ASXL3: variants seen among roughly 807,000 people sequenced by gnomAD.
ASXL3 encodes ASXL transcriptional regulator 3.
A neutral mutation model predicts 170.6 loss-of-function variants in ASXL3; 34 were observed. The ratio of observed to expected loss-of-function variants is 0.20; its 90% CI spans 0.15 to 0.27. ASXL3 has a LOEUF of 0.27. ASXL3 is among the 10% of genes least tolerant of loss of function. ASXL3 has a pLI of 1.00. For missense variants in ASXL3, 2,592 were observed against 2,695.3 expected, an observed-to-expected ratio of 0.96 and a Z score of 0.85; for synonymous variants, 1,002 against 989.1, an observed-to-expected ratio of 1.01 and a Z score of -0.24.
chr18:33,742,865 T>A (rs566816854), intron 11 of ASXL3, 23 bp from the exon 12 acceptor site: 139 of 1,567,208 alleles, frequency 8.9e-5, no homozygotes, highest in African/African-American at 2.1e-4. Flanking sequence ...CACATTATAT[T>A]TTTTTTTCTG....
rs2067765743 is a variant in ASXL3 at position 33,745,549 on chromosome 18, C to A, written c.5701C>A (p.Leu1901Ile). 6.2e-7 allele frequency: 1 copy of A among 1,614,008 alleles called. No homozygotes were observed. The highest frequency in any genetic ancestry group is 8.5e-7 in the Non-Finnish European group (1 of 1,179,900). ...SPEVKQQKRL[L>I]PSCSFQQNLF... is the part of the protein sequence containing the mutation. ...TGAGGTCAAACAGCAAAAGCGGCTG[C>A]TCCCCTCGTGTAGCTTCCAGCAGAA... Residue 1901 changes from leucine to isoleucine, a missense_variant, in exon 12 of 12, where the codon CTC (leucine) becomes ATC (isoleucine). Physicochemically the swap from Leu to Ile is conservative, Grantham distance 5 (BLOSUM62 2). Around this residue, in one of 4 missense-constraint regions of ASXL3, gnomAD observed 2,246 missense variants for 2,219.6 expected, o/e 1.01. Transcript: ENST00000269197.
At chr18:33,687,531 A>G (rs1016625833) in intron 8 of ASXL3, among the ~76,000 whole-genome samples, 2 of 152,172 alleles carry the variant, frequency 1.3e-5, no homozygotes, top group African/African-American at 4.8e-5. Flanking sequence ...TCTTTCTAGT[A>G]TGAAGTAGTC....
intron 8 of ASXL3, among the ~76,000 whole-genome samples, chr18:33,700,450 CAT>C (rs770228256): frequency 2.6e-5 from 4 of 151,774 alleles, no homozygotes; most frequent in South Asian, 2.1e-4. Flanking sequence ...ACCACAGGTT[CAT>C]TTTTTTTTTC....
intron 4 of ASXL3, among the ~76,000 whole-genome samples, chr18:33,652,350 C>G (rs907281871): frequency 2.0e-5 from 3 of 151,948 alleles, no homozygotes; most frequent in African/African-American, 7.2e-5. Context: ...AGTCTTCGCT[C>G]TCTTCATCCT....
At chr18:33,635,257 C>G (rs568581954) in intron 2 of ASXL3, among the ~76,000 whole-genome samples, 1 of 152,288 alleles carries the variant, frequency 6.6e-6, no homozygotes, top group East Asian at 1.9e-4. Context: ...TCAGCTTGTA[C>G]AAGTCATATA....
intron 8 of ASXL3, among the ~76,000 whole-genome samples, chr18:33,712,549 AT>A (rs796535816): frequency 1.0e-3 from 155 of 152,280 alleles, no homozygotes; most frequent in African/African-American, 3.6e-3. Context: ...TGTTCTTGTG[AT>A]TGTTCTGAAA....
chr18:33,725,673 A>G (rs1293407250), intron 8 of ASXL3, among the ~76,000 whole-genome samples: 1 of 152,136 alleles, frequency 6.6e-6, no homozygotes, highest in African/African-American at 2.4e-5. Flanking sequence ...CTTTATTTGG[A>G]TGCCATCAAG....
chr18:33,740,343 C>G lies in ASXL3; in HGVS notation c.2939C>G (p.Ala980Gly). 1 of 1,610,998 alleles carries G rather than the reference C, an allele frequency of 6.2e-7. No individual in the cohort carries two copies. Among genetic ancestry groups the G allele is most frequent in the Non-Finnish European group, 8.5e-7 (1 of 1,178,408 alleles). The change falls in exon 11 of 12, where the codon GCT becomes GGT. Residue 980 changes from alanine (A) to glycine (G), a missense_variant. By Grantham distance (60) the Ala-to-Gly change is moderately conservative. Coordinates refer to ENST00000269197, the MANE Select transcript of ASXL3 (RefSeq NM_030632.3). ...TTTGGAATCTGTAAGGAAAAGAGAGCTAGGATAGAAGATGATCAGTCAACC... is the reference window on the plus strand; with the variant it reads ...TTTGGAATCTGTAAGGAAAAGAGAGGTAGGATAGAAGATGATCAGTCAACC... The part of the protein sequence containing the change: ...HSFGICKEKR[A>G]RIEDDQSTRN...
chr18:33,680,766 T>C (rs1194408138), intron 7 of ASXL3, among the ~76,000 whole-genome samples: 4 of 151,974 alleles, frequency 2.6e-5, no homozygotes, highest in Non-Finnish European at 5.9e-5. Flanking sequence ...AATATTGCAG[T>C]ATGACTTTTT....
chr18:33,699,868 T>A (rs1455421284), intron 8 of ASXL3, among the ~76,000 whole-genome samples: 2 of 152,102 alleles, frequency 1.3e-5, no homozygotes, highest in African/African-American at 4.8e-5. Flanking sequence ...CAATTTTTGA[T>A]AATTATACAT....
intron 4 of ASXL3, among the ~76,000 whole-genome samples, chr18:33,657,658 CT>C (rs1283129824): frequency 2.0e-5 from 3 of 152,124 alleles, no homozygotes; most frequent in African/African-American, 4.8e-5. Flanking sequence ...GTCACCAGTT[CT>C]CTAGCCTTCA....
At chr18:33,682,969 T>C (rs1218083400) in intron 7 of ASXL3, among the ~76,000 whole-genome samples, 1 of 152,228 alleles carries the variant, frequency 6.6e-6, no homozygotes, top group Non-Finnish European at 1.5e-5. Flanking sequence ...AACACACAGC[T>C]ATTTTTGCTA....
chr18:33,666,713 G>C (rs533935171), intron 5 of ASXL3, among the ~76,000 whole-genome samples: 1 of 152,302 alleles, frequency 6.6e-6, no homozygotes, highest in East Asian at 1.9e-4. Context: ...GTTTGGAAGA[G>C]AGGTGTTAGA....
At chr18:33,716,623 T>C (rs779095382) in intron 8 of ASXL3, among the ~76,000 whole-genome samples, 160 of 152,230 alleles carry the variant, frequency 1.1e-3, no homozygotes, top group Non-Finnish European at 2.0e-3. Context: ...GGTGGCATGT[T>C]TGGCATTTTG....
At chr18:33,649,906 A>AGGGGGCTC (rs570861876) in intron 4 of ASXL3, among the ~76,000 whole-genome samples, 87 of 152,194 alleles carry the variant, frequency 5.7e-4, no homozygotes, top group African/African-American at 2.0e-3. Context: ...ATAAGAAAGA[A>AGGGGGCTC]GGGGGCTAGG....
intron 2 of ASXL3, among the ~76,000 whole-genome samples, chr18:33,612,542 C>T (rs181945902): frequency 3.7e-4 from 57 of 152,006 alleles, no homozygotes; most frequent in Admixed American, 8.5e-4. Flanking sequence ...TTTATTTTTA[C>T]CTCATTTTGT....
At chr18:33,660,806 A>G (rs1440773658) in intron 4 of ASXL3, among the ~76,000 whole-genome samples, 1 of 152,186 alleles carries the variant, frequency 6.6e-6, no homozygotes, top group East Asian at 1.9e-4. Context: ...GAGTCAAATG[A>G]GGACTCAGAA....
chr18:33,656,738 A>G (rs1036544840), intron 4 of ASXL3, among the ~76,000 whole-genome samples: 6 of 152,078 alleles, frequency 3.9e-5, no homozygotes, highest in Non-Finnish European at 8.8e-5. Context: ...AAATTCTGTC[A>G]TTTGGCTTTC....
chr18:33,613,067 A>G (rs1287487639), intron 2 of ASXL3, among the ~76,000 whole-genome samples: 1 of 152,100 alleles, frequency 6.6e-6, no homozygotes, highest in East Asian at 1.9e-4. Flanking sequence ...ATTTGCATAT[A>G]TTTGTGTGTG....
Sources: allele counts gnomAD v4.1 joint callset (sites outside exome capture counted in the v4.1 genomes callset), GRCh38; gene constraint gnomAD v4.1.1; regional missense constraint gnomAD v4.1.1; transcripts MANE v1.5; gene names NCBI Gene and HGNC (gene_info 2026-07-23, HGNC 2026-07-21).